UCK2: variants seen among roughly 807,000 people sequenced by gnomAD.
UCK2 encodes the protein cytidine monophosphokinase 2.
Under a neutral mutation model 30.8 loss-of-function variants are expected in UCK2, and 6 were observed. That is an observed-to-expected ratio of 0.19 (90% CI 0.11 to 0.38). The LOEUF is 0.38. UCK2 is among the 10% of genes least tolerant of loss of function. UCK2 has a pLI of 1.00. For missense variants in UCK2, 210 were observed against 339.8 expected (o/e 0.62, Z 3.00); for synonymous variants, 125 against 133.6 (o/e 0.94, Z 0.45).
chr1:165,889,135 T>G (rs1471850320), intron 1 of UCK2, among the ~76,000 whole-genome samples: 1 of 152,222 alleles, frequency 6.6e-6, no homozygotes, highest in African/African-American at 2.4e-5. Flanking sequence ...TTGTTTTAGA[T>G]GTTGGTGGTG....
In UCK2 at chr1:165,834,335, C is replaced by T. The variant is rs547913066; in HGVS notation, c.99+6403C>T. 3.3e-5 allele frequency among the ~76,000 whole-genome samples: 5 copies of T among 152,258 alleles called. No individual in the cohort carries two copies. In the South Asian group the frequency reaches 1.0e-3, roughly 32 times the overall value. ...TCCTTAAAACGAGCTAGAAAATTTT[C>T]ATCCTGTAGTCCCAGCTACTTGGGA... On this transcript the variant is annotated intron_variant, in intron 1 of 6. Transcript: ENST00000367879.
At chr1:165,906,670 A>G (rs1487446342) in intron 6 of UCK2, among the ~76,000 whole-genome samples, 1 of 152,156 alleles carries the variant, frequency 6.6e-6, no homozygotes, top group Non-Finnish European at 1.5e-5. Context: ...ACCTGGCCCC[A>G]TTGTTTTATT....
chr1:165,850,086 GAGACTGAATTA>G (rs1654549621), intron 1 of UCK2, among the ~76,000 whole-genome samples: 1 of 152,178 alleles, frequency 6.6e-6, no homozygotes, highest in Non-Finnish European at 1.5e-5. Flanking sequence ...CTAAGTTGAG[GAGACTGAATTA>G]AACAGCCTTT....
chr1:165,842,509 T>C (rs1035369301), intron 1 of UCK2, among the ~76,000 whole-genome samples: 2 of 152,188 alleles, frequency 1.3e-5, no homozygotes, highest in South Asian at 4.1e-4. Flanking sequence ...CTTACAGTCA[T>C]CTCTGTCACT....
chr1:165,832,502 C>G lies in UCK2; in HGVS notation c.99+4570C>G, dbSNP rs530345693. Among the ~76,000 whole-genome samples, 9 of 152,274 alleles carry G rather than the reference C, an allele frequency of 5.9e-5. No homozygotes were observed. The East Asian group carries it at 1.7e-3, about 29-fold the overall frequency. On this transcript the variant is annotated intron_variant, in intron 1 of 6. Coordinates refer to ENST00000367879, the MANE Select transcript of UCK2 (RefSeq NM_012474.5). ...TCATTAAAGCATTTGATTATCTATT[C>G]CCTTTGAAGTCAGGCATGTGTCTTC...
chr1:165,903,334 T>C (rs1647544156), intron 5 of UCK2, 55 bp downstream of exon 5: 1 of 1,527,480 alleles, frequency 6.5e-7, no homozygotes, highest in Non-Finnish European at 9.0e-7. Flanking sequence ...AATTTGATGA[T>C]ATAAACGAAG....
chr1:165,881,182 TAAAAAAAAAAAAAA>T lies in UCK2; in HGVS notation c.100-9011_100-8998del, dbSNP rs56886913. Among the ~76,000 whole-genome samples, 62 of 92,852 alleles carry T rather than the reference TAAAAAAAAAAAAAA, an allele frequency of 6.7e-4. No homozygotes were observed. The Admixed American group carries it at 7.6e-3, about 11-fold the overall frequency. 60.9% of individuals were successfully genotyped at this position (92,852 alleles called of 152,430 possible). On this transcript the variant is annotated intron_variant, in intron 1 of 6. Transcript: ENST00000367879. ...AGTAAGACTCTGTCTCAATAAAACTTAAAAAAAAAAAAAAAAAAAAAAAAGAGATGATGTAGAAG... is the reference window on the plus strand; with the variant it reads ...AGTAAGACTCTGTCTCAATAAAACTTAAAAAAAAAAGAGATGATGTAGAAG...
intron 4 of UCK2, among the ~76,000 whole-genome samples, chr1:165,897,723 C>T (rs781119038): frequency 1.4e-4 from 22 of 152,236 alleles, no homozygotes; most frequent in Non-Finnish European, 2.1e-4. Context: ...ATTCATGAGA[C>T]CAGTAGAACC....
chr1:165,898,256 GTGC>G (rs1647335345), intron 4 of UCK2, among the ~76,000 whole-genome samples: 4 of 152,054 alleles, frequency 2.6e-5, no homozygotes, highest in Non-Finnish European at 5.9e-5. Context: ...GTGGCAAATT[GTGC>G]AAATTGGCAA....
chr1:165,902,146 G>C (rs188886190), intron 4 of UCK2, among the ~76,000 whole-genome samples: 8 of 152,232 alleles, frequency 5.3e-5, no homozygotes, highest in Admixed American at 2.6e-4. Context: ...TGAGGCAGGA[G>C]AATCGCTTGA....
chr1:165,846,812 T>C (rs572183970), intron 1 of UCK2, among the ~76,000 whole-genome samples: 12 of 152,262 alleles, frequency 7.9e-5, no homozygotes, highest in African/African-American at 2.6e-4. Context: ...GAAAATGATA[T>C]CAGTGGGAAT....
At chr1:165,891,351 G>A in intron 3 of UCK2, 29 bp downstream of exon 3, 1 of 1,593,660 alleles carries the variant, frequency 6.3e-7, no homozygotes, top group Non-Finnish European at 8.6e-7. Flanking sequence ...GCCAGGGATG[G>A]CACCCACTGC....
intron 1 of UCK2, among the ~76,000 whole-genome samples, chr1:165,833,859 A>G (rs989145077): frequency 4.6e-5 from 7 of 151,994 alleles, no homozygotes; most frequent in Non-Finnish European, 1.5e-5. Context: ...TGTCCATTAA[A>G]CCATTTCAGT....
At chr1:165,859,272 T>C (rs1007306470) in intron 1 of UCK2, among the ~76,000 whole-genome samples, 1 of 152,130 alleles carries the variant, frequency 6.6e-6, no homozygotes, top group African/African-American at 2.4e-5. Flanking sequence ...CTGAAGTTTC[T>C]GGATGTCTAG....
At chr1:165,879,962 A>G (rs538265865) in intron 1 of UCK2, among the ~76,000 whole-genome samples, 7 of 152,178 alleles carry the variant, frequency 4.6e-5, no homozygotes, top group Non-Finnish European at 7.3e-5. Context: ...TGGAGGAGAA[A>G]TTAAGAAGAA....
At position 165,908,044 on chromosome 1, in the gene UCK2, C is replaced by T. The variant is rs945556894; in HGVS notation, c.*221C>T. On this transcript the variant is annotated 3_prime_UTR_variant, in exon 7 of 7. Transcript: ENST00000367879. ...AATAACAAAACTGTGCCAACTACTA[C>T]TGGTGATGCCTAATTATGAATCCAA... The T allele has an allele frequency of 2.9e-5, 15 of 519,080 alleles. No individual in the cohort carries two copies. Among genetic ancestry groups the T allele is most frequent in the Non-Finnish European group, 4.6e-5 (14 of 303,728 alleles). The allele number at this position is 519,080 out of a possible 1,614,324, so 32.2% of individuals were successfully genotyped here. A position where few individuals can be genotyped will look rare whatever the true frequency, so the allele number is the denominator to read the frequency against.
chr1:165,876,900 C>T (rs1166860297), intron 1 of UCK2, among the ~76,000 whole-genome samples: 1 of 152,200 alleles, frequency 6.6e-6, no homozygotes, highest in African/African-American at 2.4e-5. Flanking sequence ...GTGTCTTCAC[C>T]TTTTCTGTTT....
rs570678835 is a variant in UCK2, at chr1:165,839,952, G to A, written c.99+12020G>A. 2.0e-5 allele frequency among the ~76,000 whole-genome samples: 3 copies of A among 152,306 alleles called. No homozygotes were observed. In the East Asian group the frequency reaches 5.8e-4, roughly 30 times the overall value. ...CACCCCGGCCCCCGCCCCAGACAGA[G>A]TCCTGCTGTGCTGCCCAGGCTGGAG... On this transcript the variant is annotated intron_variant, in intron 1 of 6. Transcript: ENST00000367879.
At chr1:165,847,936 A>G (rs1232989306) in intron 1 of UCK2, among the ~76,000 whole-genome samples, 1 of 152,072 alleles carries the variant, frequency 6.6e-6, no homozygotes, top group Non-Finnish European at 1.5e-5. Flanking sequence ...CCTAACCTCA[A>G]GTGATCTGCC....
Sources: allele counts gnomAD v4.1 joint callset (sites outside exome capture counted in the v4.1 genomes callset), GRCh38; gene constraint gnomAD v4.1.1; transcripts MANE v1.5; gene names NCBI Gene and HGNC (gene_info 2026-07-23, HGNC 2026-07-21).